Variants in LINGO2 observed in about 807,000 individuals in gnomAD.
The protein encoded by LINGO2 is leucine-rich repeat and immunoglobulin-like domain-containing nogo receptor-interacting protein 2.
LINGO2 carries 14 observed loss-of-function variants against 30.6 expected under a neutral mutation model. The ratio of observed to expected loss-of-function variants is 0.46; its 90% CI spans 0.30 to 0.72. LINGO2 has a LOEUF of 0.72. Ranked by LOEUF, LINGO2 falls within the 30% of genes least tolerant of loss-of-function variation. LINGO2 has a pLI of 0.07. For synonymous variants in LINGO2, 317 were observed against 288.5 expected, an observed-to-expected ratio of 1.10 and a Z score of -1.00; for missense variants, 729 against 751.7, an observed-to-expected ratio of 0.97 and a Z score of 0.35.
At chr9:28,084,444 C>T (rs750880770) in intron 4 of LINGO2, among the ~76,000 whole-genome samples, 1 of 152,014 alleles carries the variant, frequency 6.6e-6, no homozygotes, top group Non-Finnish European at 1.5e-5. Flanking sequence ...TGATATCAAT[C>T]ACATATGCTA....
chr9:29,090,419 G>T, the LINGO2 span, among the ~76,000 whole-genome samples: 2 of 151,834 alleles, frequency 1.3e-5, no homozygotes, highest in South Asian at 4.2e-4. Context: ...CCGTCATTTA[G>T]TACTTGTCTA....
intron 4 of LINGO2, among the ~76,000 whole-genome samples, chr9:28,172,019 AAAAAAAAAAAAAAAC>A (rs1379366445): frequency 1.2e-5 from 1 of 84,006 alleles, no homozygotes; most frequent in Non-Finnish European, 2.2e-5. Flanking sequence ...TCCGTCTCAA[AAAAAAAAAAAAAAAC>A]AAAAAAAAAA....
the LINGO2 span, among the ~76,000 whole-genome samples, chr9:28,842,808 T>C: frequency 6.6e-6 from 1 of 151,848 alleles, no homozygotes; most frequent in South Asian, 2.1e-4. Context: ...CAATTCTAAA[T>C]CTTCAACACT....
chr9:28,761,457 G>T, the LINGO2 span, among the ~76,000 whole-genome samples: 2 of 148,012 alleles, frequency 1.4e-5, no homozygotes, highest in Non-Finnish European at 3.0e-5. Flanking sequence ...GAAAAAAAGG[G>T]CAGGCTCATG....
chr9:29,079,305 T>C, the LINGO2 span, among the ~76,000 whole-genome samples: 72,093 of 151,720 alleles, frequency 0.48, 18,004 homozygotes, highest in African/African-American at 0.64. Context: ...TTTAGTTCAA[T>C]TTGTCCTTCT....
At chr9:28,080,761 T>C (rs1162905392) in intron 4 of LINGO2, 1 of 152,202 alleles carries the variant, frequency 6.6e-6, no homozygotes, top group African/African-American at 2.4e-5. Context: ...TGATGGATTC[T>C]ATAATTAGTG....
intron 1 of LINGO2, among the ~76,000 whole-genome samples, chr9:28,555,621 G>T (rs1822619756): frequency 6.6e-6 from 1 of 151,956 alleles, no homozygotes; most frequent in Admixed American, 6.6e-5. Flanking sequence ...AATAGAAAAA[G>T]AGGGAATCCT....
At chr9:29,040,269 G>A in the LINGO2 span, among the ~76,000 whole-genome samples, 1 of 152,016 alleles carries the variant, frequency 6.6e-6, no homozygotes, top group South Asian at 2.1e-4. Flanking sequence ...ATGGAATTTT[G>A]TAGCATAAAG....
At chr9:28,993,774 T>G in the LINGO2 span, among the ~76,000 whole-genome samples, 2 of 137,182 alleles carry the variant, frequency 1.5e-5, no homozygotes, top group African/African-American at 5.0e-5. Context: ...ACCACATGAT[T>G]TATCTCAATA....
chr9:28,348,528 C>T (rs891569604), intron 3 of LINGO2, among the ~76,000 whole-genome samples: 2 of 152,144 alleles, frequency 1.3e-5, no homozygotes, highest in Non-Finnish European at 2.9e-5. Flanking sequence ...ATTGCTAGCA[C>T]AGCAGTCTGA....
intron 4 of LINGO2, among the ~76,000 whole-genome samples, chr9:28,119,086 T>G (rs905323795): frequency 1.3e-5 from 2 of 152,158 alleles, no homozygotes; most frequent in African/African-American, 4.8e-5. Flanking sequence ...AAAAAGAAGC[T>G]CACTACTTCT....
chr9:28,698,863 G>T, the LINGO2 span, among the ~76,000 whole-genome samples: 2 of 151,840 alleles, frequency 1.3e-5, no homozygotes, highest in African/African-American at 4.8e-5. Context: ...GCAACATCAT[G>T]AGACTCTAGC....
intron 4 of LINGO2, among the ~76,000 whole-genome samples, chr9:28,183,523 T>TATTAGAATA (rs1205101674): frequency 6.6e-6 from 1 of 152,166 alleles, no homozygotes; most frequent in African/African-American, 2.4e-5. Context: ...AATAAAGTTT[T>TATTAGAATA]ATTAGAATAC....
chr9:29,207,366 G>A, the LINGO2 span, among the ~76,000 whole-genome samples: 1 of 152,022 alleles, frequency 6.6e-6, no homozygotes, highest in Non-Finnish European at 1.5e-5. Flanking sequence ...TCTTCATGCT[G>A]GCTAGTAGAT....
At chr9:29,036,622 A>G in the LINGO2 span, among the ~76,000 whole-genome samples, 1 of 152,044 alleles carries the variant, frequency 6.6e-6, no homozygotes, top group African/African-American at 2.4e-5. Context: ...GAGAGATCGG[A>G]AATCTAGTGA....
At chr9:28,328,482 G>A (rs1452454134) in intron 3 of LINGO2, among the ~76,000 whole-genome samples, 1 of 151,938 alleles carries the variant, frequency 6.6e-6, no homozygotes, top group Non-Finnish European at 1.5e-5. Context: ...TTATCTCTAA[G>A]GGGCTGGTTA....
At chr9:29,203,003 A>G in the LINGO2 span, among the ~76,000 whole-genome samples, 1 of 152,178 alleles carries the variant, frequency 6.6e-6, no homozygotes, top group African/African-American at 2.4e-5. Context: ...AATTAAAGAC[A>G]AAATAATAGA....
At chr9:28,926,031 TA>T in the LINGO2 span, among the ~76,000 whole-genome samples, 2 of 152,042 alleles carry the variant, frequency 1.3e-5, no homozygotes, top group African/African-American at 4.8e-5. Flanking sequence ...ACCATTTGGT[TA>T]AGCCAGGTGT....
chr9:28,131,879 T>C (rs1248149240), intron 4 of LINGO2, among the ~76,000 whole-genome samples: 2 of 152,196 alleles, frequency 1.3e-5, no homozygotes, highest in African/African-American at 4.8e-5. Context: ...AAGATATGCC[T>C]AGGGTGAAAC....
Sources: allele counts gnomAD v4.1 joint callset (sites outside exome capture counted in the v4.1 genomes callset), GRCh38; gene constraint gnomAD v4.1.1; transcripts MANE v1.5; gene names NCBI Gene and HGNC (gene_info 2026-07-23, HGNC 2026-07-21).